Variants in PRIM2 observed in about 807,000 individuals in gnomAD.
PRIM2 encodes DNA primase large subunit.
A neutral mutation model predicts 67.3 loss-of-function variants in PRIM2; 39 were observed. The ratio of observed to expected loss-of-function variants is 0.58; its 90% CI spans 0.45 to 0.76. The LOEUF is 0.76. Among genes scored for constraint, PRIM2 ranks in the 30% least tolerant of loss-of-function variants. The probability of loss-of-function intolerance (pLI) is 0.00; values close to 1 mark genes in which losing one functional copy is unlikely to be tolerated. For missense variants in PRIM2, 398 were observed against 598.7 expected (o/e 0.66, Z 3.50); for synonymous variants, 143 against 198.7 (o/e 0.72, Z 2.36).
At chr6:57,244,577 A>G in the PRIM2 span, among the ~76,000 whole-genome samples, 1 of 152,076 alleles carries the variant, frequency 6.6e-6, no homozygotes, top group Non-Finnish European at 1.5e-5. Context: ...TCTGAACAAC[A>G]TGGATTAAAC....
chr6:57,312,006 AGAAAGGG>A (rs1345487431), upstream of PRIM2, among the ~76,000 whole-genome samples: 3 of 103,274 alleles, frequency 2.9e-5, no homozygotes, highest in Non-Finnish European at 5.4e-5. Context: ...GGGAGACCGT[AGAAAGGG>A]GAGAGGGGAG....
At chr6:57,252,862 C>T in the PRIM2 span, among the ~76,000 whole-genome samples, 3 of 152,232 alleles carry the variant, frequency 2.0e-5, no homozygotes, top group Non-Finnish European at 4.4e-5. Context: ...ATGGATGCCT[C>T]ATCTCATCCT....
chr6:57,249,461 G>T, the PRIM2 span, among the ~76,000 whole-genome samples: 1 of 152,314 alleles, frequency 6.6e-6, no homozygotes, highest in African/African-American at 2.4e-5. Flanking sequence ...CCCAGGTTAG[G>T]TTGGGCGTGG....
At chr6:57,447,244 A>G (rs1772397296) in intron 7 of PRIM2, among the ~76,000 whole-genome samples, 1 of 152,260 alleles carries the variant, frequency 6.6e-6, no homozygotes, top group Non-Finnish European at 1.5e-5. Context: ...TTTTAGATGT[A>G]TGAGTGCAGA....
At chr6:57,278,324 A>T in the PRIM2 span, among the ~76,000 whole-genome samples, 2 of 148,838 alleles carry the variant, frequency 1.3e-5, no homozygotes, top group East Asian at 2.0e-4. Flanking sequence ...GAGACTGTTT[A>T]AAAAAAAAAA....
chr6:57,502,895 C>T (rs1229293167), intron 7 of PRIM2, among the ~76,000 whole-genome samples: 1 of 152,088 alleles, frequency 6.6e-6, no homozygotes, highest in African/African-American at 2.4e-5. Flanking sequence ...AGTGCACTTG[C>T]CCTCATTTTA....
intron 7 of PRIM2, among the ~76,000 whole-genome samples, chr6:57,490,887 T>C (rs1773873258): frequency 6.6e-6 from 1 of 152,028 alleles, no homozygotes; most frequent in African/African-American, 2.4e-5. Context: ...CAGGTGTGAG[T>C]CAATGCATCT....
intron 7 of PRIM2, among the ~76,000 whole-genome samples, chr6:57,399,395 A>G (rs1425013314): frequency 2.0e-5 from 3 of 152,200 alleles, no homozygotes; most frequent in Non-Finnish European, 2.9e-5. Context: ...GCTGCAAAGT[A>G]TTCCATGGTG....
chr6:57,248,255 A>G, the PRIM2 span, among the ~76,000 whole-genome samples: 9 of 152,244 alleles, frequency 5.9e-5, no homozygotes, highest in African/African-American at 1.7e-4. Context: ...TATTTAAATT[A>G]CAAAGAGATC....
chr6:57,332,616 G>A (rs1768089835), intron 5 of PRIM2, among the ~76,000 whole-genome samples: 1 of 152,024 alleles, frequency 6.6e-6, no homozygotes, highest in South Asian at 2.1e-4. Flanking sequence ...ATTATGAAAT[G>A]TTCCTCTCTA....
chr6:57,226,386 G>A, the PRIM2 span, among the ~76,000 whole-genome samples: 1 of 152,174 alleles, frequency 6.6e-6, no homozygotes, highest in Non-Finnish European at 1.5e-5. Flanking sequence ...GACAGAAAAA[G>A]CCTTTAAGCA....
intron 7 of PRIM2, among the ~76,000 whole-genome samples, chr6:57,490,880 G>A (rs1773872977): frequency 6.6e-6 from 1 of 152,198 alleles, no homozygotes; most frequent in Admixed American, 6.5e-5. Context: ...GGGATTACAG[G>A]TGTGAGTCAA....
chr6:57,505,930 G>A (rs1554347208), intron 7 of PRIM2, among the ~76,000 whole-genome samples: 2 of 151,936 alleles, frequency 1.3e-5, no homozygotes, highest in Admixed American at 1.3e-4. Context: ...CATTTAAATC[G>A]TTTTAGAACA....
chr6:57,477,001 G>C (rs1381206163), intron 7 of PRIM2, among the ~76,000 whole-genome samples: 1 of 152,120 alleles, frequency 6.6e-6, no homozygotes, highest in Non-Finnish European at 1.5e-5. Context: ...TGGATTTTAA[G>C]AGATTTATTT....
chr6:57,364,460 C>T (rs1286074352), intron 5 of PRIM2, among the ~76,000 whole-genome samples: 1 of 152,140 alleles, frequency 6.6e-6, no homozygotes, highest in Non-Finnish European at 1.5e-5. Flanking sequence ...AGGATTGTGT[C>T]TCTGGCCCAT....
chr6:57,561,203 T>C (rs1180731902), intron 10 of PRIM2, among the ~76,000 whole-genome samples: 3 of 152,150 alleles, frequency 2.0e-5, no homozygotes, highest in Admixed American at 2.0e-4. Context: ...TTAAATCTCA[T>C]AAACCCACCT....
chr6:57,502,676 G>A (rs1774161135), intron 7 of PRIM2, among the ~76,000 whole-genome samples: 1 of 152,068 alleles, frequency 6.6e-6, no homozygotes, highest in Non-Finnish European at 1.5e-5. Context: ...TCTGTTTCTG[G>A]CTTCCGGGCA....
At chr6:57,329,686 ATT>A (rs1767989548) in intron 5 of PRIM2, among the ~76,000 whole-genome samples, 1 of 152,070 alleles carries the variant, frequency 6.6e-6, no homozygotes, top group Non-Finnish European at 1.5e-5. Context: ...ATCTGCCATG[ATT>A]GTAAGTTTCC....
At chr6:57,236,100 A>T in the PRIM2 span, among the ~76,000 whole-genome samples, 1 of 152,164 alleles carries the variant, frequency 6.6e-6, no homozygotes, top group Non-Finnish European at 1.5e-5. Context: ...ACAATAGGAG[A>T]CTATATCGTA....
Sources: allele counts gnomAD v4.1 joint callset (sites outside exome capture counted in the v4.1 genomes callset), GRCh38; gene constraint gnomAD v4.1.1; transcripts MANE v1.5; gene names NCBI Gene and HGNC (gene_info 2026-07-23, HGNC 2026-07-21).